NOX4: variants seen among roughly 807,000 people sequenced by gnomAD.
NOX4 encodes kidney oxidase-1.
Under a neutral mutation model 87.6 loss-of-function variants are expected in NOX4, and 69 were observed. The ratio of observed to expected loss-of-function variants is 0.79; its 90% CI spans 0.65 to 0.96. The LOEUF (loss-of-function observed/expected upper bound fraction) is 0.96, where lower values mean the gene tolerates loss of function less well. NOX4 is among the 40% of genes least tolerant of loss of function. NOX4 has a pLI of 0.00. For synonymous variants in NOX4, 275 were observed against 238.2 expected, an observed-to-expected ratio of 1.15 and a Z score of -1.42; for missense variants, 680 against 681.5, an observed-to-expected ratio of 1.00 and a Z score of 0.02.
At chr11:89,407,791 T>C (rs1942267665) in intron 8 of NOX4, among the ~76,000 whole-genome samples, 1 of 151,836 alleles carries the variant, frequency 6.6e-6, no homozygotes, top group Non-Finnish European at 1.5e-5. Flanking sequence ...AAAAGATAAA[T>C]ATTACAAAAT....
chr11:89,493,129 G>C (rs908665135), upstream of NOX4, among the ~76,000 whole-genome samples: 1 of 152,200 alleles, frequency 6.6e-6, no homozygotes. Flanking sequence ...GCTCACGCCT[G>C]TAATCCCAAC....
the NOX4 span, among the ~76,000 whole-genome samples, chr11:89,564,981 G>C: frequency 4.6e-5 from 7 of 152,014 alleles, no homozygotes; most frequent in African/African-American, 1.7e-4. Flanking sequence ...AGTTTTCTTG[G>C]CCATATTCTG....
At chr11:89,388,623 C>G (rs1331712170) in intron 11 of NOX4, among the ~76,000 whole-genome samples, 1 of 152,122 alleles carries the variant, frequency 6.6e-6, no homozygotes, top group African/African-American at 2.4e-5. Context: ...ATGCAATATG[C>G]CTGCCAGCCT....
chr11:89,457,392 G>A (rs925421586), intron 2 of NOX4, among the ~76,000 whole-genome samples: 7 of 152,154 alleles, frequency 4.6e-5, no homozygotes, highest in Non-Finnish European at 8.8e-5. Context: ...AGCATACACA[G>A]GACCACTTCA....
the NOX4 span, among the ~76,000 whole-genome samples, chr11:89,587,988 T>C: frequency 6.6e-6 from 1 of 152,180 alleles, no homozygotes; most frequent in African/African-American, 2.4e-5. Context: ...AAATCCCAAT[T>C]GTTTTTCTTA....
At position 89,325,115 on chromosome 11, in the gene NOX4, C is replaced by CTTTTTTTTTTTTTTTTT. The variant is rs141198784; in HGVS notation, c.*1624_*1640dup. The CTTTTTTTTTTTTTTTTT allele has an allele frequency of 5.9e-4, 45 of 76,320 alleles. 4 individuals carry two copies. Among genetic ancestry groups the CTTTTTTTTTTTTTTTTT allele is most frequent in the African/African-American group, 1.6e-3 (29 of 17,722 alleles). The allele number at this position is 76,320 out of a possible 1,614,324, so 4.7% of individuals were successfully genotyped here. On this transcript the variant is annotated 3_prime_UTR_variant, in exon 18 of 18. Coordinates refer to ENST00000263317, the MANE Select transcript of NOX4 (RefSeq NM_016931.5). ...ACTAAACTGTATGAATGCTTTAATT[C>CTTTTTTTTTTTTTTTTT]TTTTTTTTTTTTTTTTTTTTTTTTT...
At chr11:89,586,748 C>T in the NOX4 span, among the ~76,000 whole-genome samples, 28 of 152,170 alleles carry the variant, frequency 1.8e-4, no homozygotes, top group East Asian at 1.7e-3. Flanking sequence ...GCAGATAAAA[C>T]AACACTTCAC....
chr11:89,497,267 G>C (rs762365073), intron 1 of NOX4, among the ~76,000 whole-genome samples: 58 of 152,240 alleles, frequency 3.8e-4, no homozygotes, highest in Admixed American at 8.5e-4. Flanking sequence ...AGTAATTCCT[G>C]TATGTGTGTG....
intron 2 of NOX4, among the ~76,000 whole-genome samples, chr11:89,471,865 C>A (rs1945959662): frequency 2.0e-5 from 3 of 152,190 alleles, no homozygotes; most frequent in Admixed American, 2.0e-4. Flanking sequence ...CCTCAGCCTA[C>A]TGAGTAACTT....
chr11:89,339,838 T>C (rs914092629), intron 15 of NOX4, among the ~76,000 whole-genome samples: 1 of 152,142 alleles, frequency 6.6e-6, no homozygotes, highest in Non-Finnish European at 1.5e-5. Flanking sequence ...ATATTAGATA[T>C]ATATGCATAC....
chr11:89,585,877 T>A, the NOX4 span, among the ~76,000 whole-genome samples: 1 of 152,216 alleles, frequency 6.6e-6, no homozygotes, highest in African/African-American at 2.4e-5. Flanking sequence ...CTATTCCTCT[T>A]AACCCAAGGC....
intron 12 of NOX4, among the ~76,000 whole-genome samples, chr11:89,372,113 C>T (rs1939491335): frequency 6.6e-6 from 1 of 150,972 alleles, no homozygotes; most frequent in South Asian, 2.1e-4. Context: ...ATATTAGGTT[C>T]TTCCTTCTAA....
the NOX4 span, among the ~76,000 whole-genome samples, chr11:89,557,874 G>A: frequency 6.6e-6 from 1 of 152,210 alleles, no homozygotes; most frequent in East Asian, 1.9e-4. Flanking sequence ...GAACTAACTT[G>A]TCTCCAAGGG....
At chr11:89,395,291 T>G (rs1359411436) in intron 11 of NOX4, among the ~76,000 whole-genome samples, 1 of 152,242 alleles carries the variant, frequency 6.6e-6, no homozygotes, top group Non-Finnish European at 1.5e-5. Context: ...GTTGGCTGCA[T>G]AAATGTCTTC....
intron 17 of NOX4, among the ~76,000 whole-genome samples, chr11:89,335,608 G>C (rs1008435955): frequency 6.6e-6 from 1 of 151,742 alleles, no homozygotes; most frequent in African/African-American, 2.4e-5. Context: ...TCAGATAGGA[G>C]AGTTTAGCTC....
intron 11 of NOX4, among the ~76,000 whole-genome samples, chr11:89,377,615 A>C (rs1939952318): frequency 6.6e-6 from 1 of 152,216 alleles, no homozygotes; most frequent in Non-Finnish European, 1.5e-5. Context: ...AAATGTAAAA[A>C]TGATGTAACT....
chr11:89,553,862 A>G, the NOX4 span, among the ~76,000 whole-genome samples: 111 of 137,544 alleles, frequency 8.1e-4, no homozygotes, highest in African/African-American at 3.0e-3. Flanking sequence ...TTTACTTAGA[A>G]GAGAAACAAA....
intron 8 of NOX4, among the ~76,000 whole-genome samples, chr11:89,421,235 C>T (rs1038147580): frequency 6.6e-5 from 10 of 152,258 alleles, no homozygotes; most frequent in African/African-American, 2.2e-4. Context: ...AGTTCACTGC[C>T]GGTGGCCATA....
At chr11:89,381,647 G>T (rs1419088493) in intron 11 of NOX4, among the ~76,000 whole-genome samples, 1 of 152,148 alleles carries the variant, frequency 6.6e-6, no homozygotes, top group African/African-American at 2.4e-5. Context: ...CTGTTTGGTG[G>T]TCTTTTCACG....
Sources: gnomAD v4.1 joint callset for allele counts (sites outside exome capture counted in the v4.1 genomes callset) on GRCh38, gnomAD v4.1.1 for gene constraint, MANE v1.5 for transcripts, NCBI Gene and HGNC (gene_info 2026-07-23, HGNC 2026-07-21) for gene names.